The following MRPL13 variants were observed in gnomAD, a reference collection of about 807,000 sequenced individuals.
MRPL13 encodes mitochondrial ribosomal protein L13, also known as large ribosomal subunit protein uL13m.
In MRPL13, 33 loss-of-function variants were observed where a neutral mutation model predicts 29.0. The observed-to-expected ratio is 1.14, with a 90% CI of 0.86 to 1.52. MRPL13 has a LOEUF of 1.52. Ranked by LOEUF, MRPL13 falls within the 40% of genes most tolerant of loss-of-function variation. MRPL13 has a pLI of 0.00. For missense variants in MRPL13, 227 were observed against 216.7 expected, an observed-to-expected ratio of 1.05 and a Z score of -0.30; for synonymous variants, 77 against 68.4, an observed-to-expected ratio of 1.13 and a Z score of -0.62.
rs145317361 is a variant in MRPL13 at position 120,414,106 on chromosome 8, G to T, written c.400C>A (p.Pro134Thr). Residue 134 changes from proline to threonine, a missense_variant, in exon 6 of 7, where the codon CCA (proline) becomes ACA (threonine). Transcript: ENST00000306185. ...ACTAAATTCTTAAGAATATCTTCTG[G>T]AATATACTACATTAAAAAAAAATTT... ...RLHLFPDEYI[P>T]EDILKNLVEE... 1.2e-4 allele frequency: 183 copies of T among 1,556,194 alleles called. No individual in the cohort carries two copies. In the East Asian group the frequency reaches 3.7e-3, roughly 31 times the overall value.
chr8:120,419,964 A>G, intron 4 of MRPL13, 26 bp from the exon 5 acceptor site: 1 of 1,448,796 alleles, frequency 6.9e-7, no homozygotes, highest in South Asian at 1.4e-5. Context: ...AGGACACAAT[A>G]AGAAAATTGT....
At chr8:120,420,708 G>A (rs1006926790) in intron 4 of MRPL13, among the ~76,000 whole-genome samples, 2 of 151,578 alleles carry the variant, frequency 1.3e-5, no homozygotes, top group African/African-American at 4.8e-5. Context: ...TGTTTTAAAA[G>A]TTGTAAATTG....
At chr8:120,409,039 C>T (rs1213979190) in intron 6 of MRPL13, among the ~76,000 whole-genome samples, 1 of 152,148 alleles carries the variant, frequency 6.6e-6, no homozygotes, top group Non-Finnish European at 1.5e-5. Flanking sequence ...CTCATACTTC[C>T]TTGTCTTCAT....
chr8:120,431,445 T>A (rs1306624685), intron 3 of MRPL13, among the ~76,000 whole-genome samples: 2 of 152,208 alleles, frequency 1.3e-5, no homozygotes, highest in African/African-American at 4.8e-5. Context: ...GGAGAAGACA[T>A]GATTCAACAG....
intron 6 of MRPL13, among the ~76,000 whole-genome samples, chr8:120,408,792 T>C (rs887714527): frequency 6.6e-6 from 1 of 152,188 alleles, no homozygotes; most frequent in Non-Finnish European, 1.5e-5. Context: ...ATTAAGTAAA[T>C]CTGAAAATGG....
intron 2 of MRPL13, among the ~76,000 whole-genome samples, chr8:120,440,645 G>T (rs114258068): frequency 6.7e-6 from 1 of 150,166 alleles, no homozygotes; most frequent in East Asian, 1.9e-4. Context: ...AAATGTGCTC[G>T]GCAGGCAAGT....
chr8:120,399,777 G>A (rs762108420), intron 6 of MRPL13, among the ~76,000 whole-genome samples: 17 of 152,036 alleles, frequency 1.1e-4, no homozygotes, highest in Admixed American at 5.9e-4. Flanking sequence ...ACATAGGCTC[G>A]AAATAAAGGG....
intron 4 of MRPL13, among the ~76,000 whole-genome samples, chr8:120,421,887 T>C (rs767281205): frequency 6.6e-5 from 10 of 151,834 alleles, no homozygotes; most frequent in Non-Finnish European, 1.0e-4. Flanking sequence ...ATTAAAAGTA[T>C]AATTTATTGT....
chr8:120,439,005 T>G (rs187677102), intron 2 of MRPL13, among the ~76,000 whole-genome samples: 30 of 152,374 alleles, frequency 2.0e-4, no homozygotes, highest in African/African-American at 7.2e-4. Context: ...AGTTGATCTC[T>G]TTATTCATAG....
chr8:120,415,367 CACT>C, intron 5 of MRPL13: 1 of 152,148 alleles, frequency 6.6e-6, no homozygotes, highest in Non-Finnish European at 1.5e-5. Context: ...CTGCAGAGCG[CACT>C]ATTACAAGTG....
At chr8:120,435,315 T>C (rs11781786) in intron 2 of MRPL13, among the ~76,000 whole-genome samples, 119,013 of 152,000 alleles carry the variant, frequency 0.78, 48,030 homozygotes, top group Non-Finnish European at 0.89. Flanking sequence ...TTTTGTCACC[T>C]AGGCAATAAG....
At chr8:120,418,833 T>A (rs1222786291) in intron 5 of MRPL13, among the ~76,000 whole-genome samples, 2 of 152,040 alleles carry the variant, frequency 1.3e-5, no homozygotes, top group East Asian at 3.8e-4. Flanking sequence ...AAGTGAATAG[T>A]GGGAAATTAT....
At position 120,413,977 on chromosome 8, in the gene MRPL13, AG is replaced by A. The variant is rs780404062; in HGVS notation, c.515+13del. On this transcript the variant is annotated intron_variant, in intron 6 of 6. Coordinates refer to ENST00000306185, the MANE Select transcript of MRPL13 (RefSeq NM_014078.6). ...ATCAAAAGAAAAAAAAACAAGAAGAAGGGAAACACTTACGGAGTCCACAATC... is the reference window on the plus strand; with the variant it reads ...ATCAAAAGAAAAAAAAACAAGAAGAAGGAAACACTTACGGAGTCCACAATC... 16 of 1,520,890 alleles carry A rather than the reference AG, an allele frequency of 1.1e-5. No individual in the cohort carries two copies. The highest frequency in any genetic ancestry group is 1.4e-5 in the Non-Finnish European group (16 of 1,142,486). 94.2% of individuals were successfully genotyped at this position (1,520,890 alleles called of 1,614,324 possible).
chr8:120,402,969 G>C (rs1296591307), intron 6 of MRPL13, among the ~76,000 whole-genome samples: 1 of 152,160 alleles, frequency 6.6e-6, no homozygotes, highest in Non-Finnish European at 1.5e-5. Flanking sequence ...ATGCCAGTCA[G>C]AATGGAAATT....
At chr8:120,435,040 C>T (rs1448350662) in intron 2 of MRPL13, among the ~76,000 whole-genome samples, 1 of 152,138 alleles carries the variant, frequency 6.6e-6, no homozygotes, top group Non-Finnish European at 1.5e-5. Context: ...AGGGCAGATT[C>T]AGATAGAGAC....
At chr8:120,400,733 T>TAAA (rs1467127503) in intron 6 of MRPL13, among the ~76,000 whole-genome samples, 9 of 136,778 alleles carry the variant, frequency 6.6e-5, no homozygotes, top group African/African-American at 2.8e-4. Flanking sequence ...AATAAATAAA[T>TAAA]AAATAAATAA....
At chr8:120,433,201 T>C (rs1263839436) in intron 2 of MRPL13, among the ~76,000 whole-genome samples, 2 of 152,098 alleles carry the variant, frequency 1.3e-5, no homozygotes, top group Admixed American at 6.6e-5. Flanking sequence ...AATTAAATGG[T>C]TGAAGTTCCT....
At chr8:120,428,976 C>T (rs1194026338) in intron 3 of MRPL13, among the ~76,000 whole-genome samples, 1 of 152,022 alleles carries the variant, frequency 6.6e-6, no homozygotes, top group Non-Finnish European at 1.5e-5. Context: ...ACCATTTGAC[C>T]CAGCAATCCC....
rs752252839 is a variant in MRPL13 at position 120,413,971 on chromosome 8, A to G, written c.515+20T>C. The stretch of plus-strand genomic sequence containing the variant: ...GAGGATATCAAAAGAAAAAAAAACA[A>G]GAAGAAGGGAAACACTTACGGAGTC... On this transcript the variant is annotated intron_variant, in intron 6 of 6. Coordinates refer to ENST00000306185, the MANE Select transcript of MRPL13 (RefSeq NM_014078.6). The G allele has an allele frequency of 6.6e-7, 1 of 1,517,758 alleles. No homozygotes were observed. Among genetic ancestry groups the G allele is most frequent in the Admixed American group, 2.4e-5 (1 of 41,916 alleles). 94.0% of individuals were successfully genotyped at this position (1,517,758 alleles called of 1,614,324 possible).
Sources: allele counts gnomAD v4.1 joint callset (sites outside exome capture counted in the v4.1 genomes callset), GRCh38; gene constraint gnomAD v4.1.1; transcripts MANE v1.5; gene names NCBI Gene and HGNC (gene_info 2026-07-23, HGNC 2026-07-21).